Variants in SEC31B observed in about 807,000 individuals in gnomAD.
SEC31B encodes the protein protein transport protein Sec31B.
SEC31B carries 113 observed loss-of-function variants against 135.0 expected under a neutral mutation model. The ratio of observed to expected loss-of-function variants is 0.84; its 90% CI spans 0.72 to 0.98. The LOEUF (loss-of-function observed/expected upper bound fraction) is 0.98. SEC31B is among the 50% of genes least tolerant of loss of function. SEC31B has a pLI of 0.00. For synonymous variants in SEC31B, 508 were observed against 549.4 expected, an observed-to-expected ratio of 0.92 and a Z score of 1.05; for missense variants, 1,296 against 1,421.1, an observed-to-expected ratio of 0.91 and a Z score of 1.42.
intron 5 of SEC31B, 25 bp downstream of exon 5, chr10:100,508,982 G>T: frequency 1.3e-6 from 2 of 1,563,412 alleles, no homozygotes; most frequent in Middle Eastern, 3.4e-4. Context: ...ACACTCCAGG[G>T]TTGGGTAGTG....
At position 100,488,065 on chromosome 10, in the gene SEC31B, G is replaced by A. The variant is rs373994758; in HGVS notation, c.3322C>T (p.Arg1108Cys). ...AGCTTCTCATATAGATACTCCAGAC[G>A]CTGGGCTGCCTCTTCCAGCTTCCTT... ...TKRKLEEAAQ[R>C]LEYLYEKLCE... is the part of the protein sequence containing the mutation. The change falls in exon 25 of 26, where the codon CGT (arginine) becomes TGT (cysteine). Residue 1108 changes from arginine (R) to cysteine (C), a missense_variant. By Grantham distance (180) the Arg-to-Cys change is radical. Transcript: ENST00000370345. 82 of 1,613,970 alleles carry A rather than the reference G, an allele frequency of 5.1e-5. No homozygotes were observed. Among genetic ancestry groups the A allele is most frequent in the South Asian group, 1.8e-4 (16 of 91,076 alleles).
intron 3 of SEC31B, among the ~76,000 whole-genome samples, chr10:100,513,716 C>G (rs545104053): frequency 6.6e-6 from 1 of 151,914 alleles, no homozygotes; most frequent in African/African-American, 2.4e-5. Context: ...GCGATCCACC[C>G]GTCTCAGCCT....
Position 100,490,028 on chromosome 10 carries a change from C to T in SEC31B, c.2945G>A (p.Gly982Asp). The T allele has an allele frequency of 6.5e-7, 1 of 1,546,030 alleles. No homozygotes were observed. Among genetic ancestry groups the T allele is most frequent in the African/African-American group, 1.4e-5 (1 of 72,512 alleles). ...APCSSVLPTT[G>D]ILTPHPGPQD... is the part of the protein sequence containing the mutation. ...CTGACCTGGGTGAGGAGTCAAGATG[C>T]CAGTGGTTGGGAGGACACTAGAGCA... is the stretch of plus-strand genomic sequence containing the variant. The change falls in exon 21 of 26, where the codon GGC becomes GAC. Residue 982 changes from glycine to aspartate, a missense_variant. Gly to Asp is a moderately conservative substitution (Grantham distance 94, BLOSUM62 -1). Transcript: ENST00000370345.
chr10:100,507,345 G>C, intron 7 of SEC31B, 80 bp downstream of exon 7: 1 of 1,558,268 alleles, frequency 6.4e-7, no homozygotes, highest in Non-Finnish European at 8.8e-7. Flanking sequence ...AGTAGCTAAA[G>C]TGAGGGATAC....
chr10:100,495,220 C>T (rs768894298), intron 19 of SEC31B, 165 bp downstream of exon 19: 26 of 710,850 alleles, frequency 3.7e-5, no homozygotes, highest in Non-Finnish European at 5.5e-5. Context: ...GTCCTAAGAG[C>T]CTAGTAGTTC....
At chr10:100,492,311 A>G (rs1589730676) in intron 19 of SEC31B, among the ~76,000 whole-genome samples, 1 of 152,012 alleles carries the variant, frequency 6.6e-6, no homozygotes, top group South Asian at 2.1e-4. Context: ...TGCAACCTCC[A>G]CCTCCCGGGT....
Position 100,487,681 on chromosome 10 carries a change from C to T in SEC31B, c.3475G>A (p.Glu1159Lys), listed in dbSNP as rs150586701. Residue 1159 changes from glutamate to lysine, a missense_variant, in exon 26 of 26, where the codon GAG becomes AAG. Transcript: ENST00000370345. ...AGGATAGGCATGAAGCTGGACACCT[C>T]GCTGAAGCTGCTACAGCCCGCCACC... ...AQVAGCSSFS[E>K]VSSFMPILKA... The T allele has an allele frequency of 1.0e-3, 1,614 of 1,613,800 alleles. No homozygotes were observed. Among genetic ancestry groups the T allele is most frequent in the Non-Finnish European group, 1.3e-3 (1,514 of 1,179,878 alleles).
intron 3 of SEC31B, among the ~76,000 whole-genome samples, chr10:100,509,850 C>T (rs973741259): frequency 2.0e-5 from 3 of 152,070 alleles, no homozygotes; most frequent in South Asian, 4.1e-4. Flanking sequence ...TTCACATAAT[C>T]CTCACAACTC....
intron 23 of SEC31B, 27 bp from the exon 24 acceptor site, chr10:100,489,001 G>C: frequency 4.4e-6 from 7 of 1,578,914 alleles, no homozygotes; most frequent in Non-Finnish European, 6.0e-6. Context: ...AGGGAGAAAG[G>C]CCAGAGGGGC....
intron 10 of SEC31B, among the ~76,000 whole-genome samples, chr10:100,503,800 G>A (rs150723271): frequency 2.1e-3 from 316 of 150,170 alleles, no homozygotes; most frequent in Middle Eastern, 6.8e-3. Context: ...TGCAGTAAAT[G>A]TCCATGTTTG....
intron 11 of SEC31B, among the ~76,000 whole-genome samples, chr10:100,501,403 T>C (rs1189215127): frequency 7.9e-5 from 12 of 152,226 alleles, no homozygotes; most frequent in Admixed American, 7.8e-4. Flanking sequence ...ATCCTGCTTA[T>C]GACAAAAGCA....
intron 5 of SEC31B, 111 bp downstream of exon 5, chr10:100,508,896 C>T: frequency 1.3e-6 from 1 of 795,692 alleles, no homozygotes; most frequent in South Asian, 1.6e-5. Flanking sequence ...TATTGCCCTC[C>T]AGTGGTAAAG....
chr10:100,509,090 C>T lies in SEC31B; in HGVS notation c.412G>A (p.Ala138Thr), dbSNP rs768000360. ...DLNPFQGNLL[A>T]SGASDSEIFI... is the part of the protein sequence containing the mutation. The stretch of plus-strand genomic sequence containing the variant: ...ATTTCAGAATCGCTGGCCCCTGAAG[C>T]CAGGAGGTTGCCCTGTATGAATAAA... Residue 138 changes from alanine to threonine, a missense_variant, in exon 5 of 26, where the codon GCT (alanine) becomes ACT (threonine). Transcript: ENST00000370345. 1 of 1,613,992 alleles carries T rather than the reference C, an allele frequency of 6.2e-7. No homozygotes were observed. The highest frequency in any genetic ancestry group is 8.5e-7 in the Non-Finnish European group (1 of 1,179,922).
intron 1 of SEC31B, among the ~76,000 whole-genome samples, chr10:100,518,653 G>A (rs1409455167): frequency 6.6e-6 from 1 of 152,108 alleles, no homozygotes. Context: ...CATCCCAACA[G>A]GCTAGCAAAC....
intron 19 of SEC31B, among the ~76,000 whole-genome samples, chr10:100,491,226 C>A (rs555815855): frequency 1.3e-5 from 2 of 152,154 alleles, no homozygotes; most frequent in Non-Finnish European, 2.9e-5. Flanking sequence ...GAAAGAAGAT[C>A]TGGATAGTCC....
intron 3 of SEC31B, among the ~76,000 whole-genome samples, 179 bp downstream of exon 3, chr10:100,515,917 G>GA (rs1237480301): frequency 6.6e-6 from 1 of 151,998 alleles, no homozygotes; most frequent in African/African-American, 2.4e-5. Flanking sequence ...ACTGGAAAGG[G>GA]GGGGGGTGGT....
intron 19 of SEC31B, among the ~76,000 whole-genome samples, chr10:100,491,435 G>C (rs752464150): frequency 6.6e-5 from 10 of 152,160 alleles, no homozygotes; most frequent in Non-Finnish European, 1.3e-4. Flanking sequence ...AACAGAAAAA[G>C]ATAGCAGAAA....
intron 6 of SEC31B, 145 bp downstream of exon 6, chr10:100,507,763 C>T: frequency 7.6e-7 from 1 of 1,310,258 alleles, no homozygotes; most frequent in Non-Finnish European, 1.1e-6. Context: ...TAAGTTTTCA[C>T]TCTCAATAGG....
intron 19 of SEC31B, among the ~76,000 whole-genome samples, chr10:100,494,574 G>T (rs1851367283): frequency 6.6e-6 from 1 of 152,116 alleles, no homozygotes; most frequent in Admixed American, 6.6e-5. Context: ...ATTCTCAAAA[G>T]GCTTCGGCTT....
Sources: allele counts gnomAD v4.1 joint callset (sites outside exome capture counted in the v4.1 genomes callset), GRCh38; gene constraint gnomAD v4.1.1; transcripts MANE v1.5; gene names NCBI Gene and HGNC (gene_info 2026-07-23, HGNC 2026-07-21).